CSMD1: variants seen among roughly 807,000 people sequenced by gnomAD.
The protein encoded by CSMD1 is CUB and Sushi multiple domains 1.
A neutral mutation model predicts 417.5 loss-of-function variants in CSMD1; 213 were observed. That is an observed-to-expected ratio of 0.51 (90% CI 0.46 to 0.57). The LOEUF is 0.57. Ranked by LOEUF, CSMD1 falls within the 20% of genes least tolerant of loss-of-function variation. The pLI, the probability that CSMD1 is intolerant of heterozygous loss-of-function variation, is 0.00. For synonymous variants in CSMD1, 2,862 were observed against 1,736.8 expected, an observed-to-expected ratio of 1.65 and a Z score of -16.11; for missense variants, 6,923 against 4,529.7, an observed-to-expected ratio of 1.53 and a Z score of -15.17.
In CSMD1 at chr8:3,368,816, A is replaced by C. The variant is rs367955011; in HGVS notation, c.2899+438T>G. Among the ~76,000 whole-genome samples the C allele has an allele frequency of 6.3e-4, 96 of 152,354 alleles. No individual in the cohort carries two copies. The South Asian group carries it at 0.011, about 18-fold the overall frequency. On this transcript the variant is annotated intron_variant, in intron 19 of 69. Coordinates refer to ENST00000635120, the MANE Select transcript of CSMD1 (RefSeq NM_033225.6). ...CTATTCTATGAGCCATCTCTGGATT[A>C]TGTGAAGATAAATTATTCATTATGT... is the stretch of plus-strand genomic sequence containing the variant.
At chr8:3,832,171 A>G (rs559147606) in intron 5 of CSMD1, among the ~76,000 whole-genome samples, 177 of 152,284 alleles carry the variant, frequency 1.2e-3, no homozygotes, top group South Asian at 6.0e-3. Flanking sequence ...TAAGAAAGGC[A>G]AACAGCCGTG....
At chr8:3,494,207 T>C (rs1232402276) in intron 10 of CSMD1, among the ~76,000 whole-genome samples, 1 of 152,216 alleles carries the variant, frequency 6.6e-6, no homozygotes, top group African/African-American at 2.4e-5. Context: ...AGCTCTCCTC[T>C]ATATTTAGTC....
At chr8:4,029,485 C>T (rs989273734) in intron 4 of CSMD1, among the ~76,000 whole-genome samples, 1 of 152,094 alleles carries the variant, frequency 6.6e-6, no homozygotes, top group South Asian at 2.1e-4. Context: ...ATTTTTAAAA[C>T]CATCAGATCT....
At chr8:3,290,162 C>G (rs920572356) in intron 25 of CSMD1, among the ~76,000 whole-genome samples, 1 of 146,800 alleles carries the variant, frequency 6.8e-6, no homozygotes, top group African/African-American at 2.7e-5. Context: ...TTTCTGAGGG[C>G]TCTGTTCTGT....
intron 1 of CSMD1, among the ~76,000 whole-genome samples, chr8:4,865,744 G>A (rs1454126725): frequency 1.3e-5 from 2 of 151,814 alleles, no homozygotes; most frequent in African/African-American, 2.4e-5. Flanking sequence ...TAATATAAGA[G>A]AGAAAAGCTC....
chr8:4,111,832 G>A (rs1801873426), intron 3 of CSMD1, among the ~76,000 whole-genome samples: 1 of 152,124 alleles, frequency 6.6e-6, no homozygotes, highest in Admixed American at 6.5e-5. Context: ...TTGAATCCTA[G>A]GTGATGGGTT....
intron 1 of CSMD1, among the ~76,000 whole-genome samples, chr8:4,637,912 C>T (rs1802938629): frequency 6.6e-6 from 1 of 151,916 alleles, no homozygotes; most frequent in South Asian, 2.1e-4. Context: ...CCTCATGATC[C>T]ACCCGCCCCG....
At chr8:4,123,583 T>G (rs1802603388) in intron 3 of CSMD1, among the ~76,000 whole-genome samples, 1 of 152,228 alleles carries the variant, frequency 6.6e-6, no homozygotes, top group African/African-American at 2.4e-5. Flanking sequence ...CAACGTTAAT[T>G]TCTATGGTTT....
intron 5 of CSMD1, among the ~76,000 whole-genome samples, chr8:3,940,420 T>G (rs1470590091): frequency 6.6e-6 from 1 of 152,064 alleles, no homozygotes; most frequent in Non-Finnish European, 1.5e-5. Context: ...GTTTATAATA[T>G]GTATGTTGTA....
At chr8:3,933,456 T>G (rs2129675605) in intron 5 of CSMD1, among the ~76,000 whole-genome samples, 1 of 152,124 alleles carries the variant, frequency 6.6e-6, no homozygotes, top group Admixed American at 6.5e-5. Flanking sequence ...CCCGCCTACA[T>G]CTTCACTCCC....
At chr8:4,392,536 A>G (rs1310066544) in intron 3 of CSMD1, among the ~76,000 whole-genome samples, 1 of 152,124 alleles carries the variant, frequency 6.6e-6, no homozygotes, top group Non-Finnish European at 1.5e-5. Context: ...TGGGAGTGTC[A>G]TTGGTCACTA....
At chr8:4,951,604 G>C (rs747079750) in intron 1 of CSMD1, among the ~76,000 whole-genome samples, 1 of 151,310 alleles carries the variant, frequency 6.6e-6, no homozygotes, top group Non-Finnish European at 1.5e-5. Flanking sequence ...AAAAACCTGC[G>C]GGGTTTTTTT....
intron 3 of CSMD1, among the ~76,000 whole-genome samples, chr8:4,059,917 G>C (rs1032760571): frequency 1.3e-5 from 2 of 151,846 alleles, no homozygotes; most frequent in African/African-American, 4.8e-5. Context: ...AATAGAAAAA[G>C]AGGGAATCCT....
At chr8:3,555,765 TTAGA>T (rs1472313280) in intron 10 of CSMD1, among the ~76,000 whole-genome samples, 2 of 152,170 alleles carry the variant, frequency 1.3e-5, no homozygotes, top group African/African-American at 4.8e-5. Context: ...ATCTCTAATT[TTAGA>T]TAGTTAGATA....
intron 1 of CSMD1, among the ~76,000 whole-genome samples, chr8:4,656,882 A>G (rs1334783724): frequency 6.6e-6 from 1 of 152,080 alleles, no homozygotes; most frequent in Non-Finnish European, 1.5e-5. Context: ...GGGGCCCCCA[A>G]CATCTTATCT....
At chr8:4,640,973 G>A (rs193265686) in intron 1 of CSMD1, among the ~76,000 whole-genome samples, 1 of 150,388 alleles carries the variant, frequency 6.6e-6, no homozygotes, top group East Asian at 2.0e-4. Flanking sequence ...TAAAAAAGAA[G>A]TATATATATA....
chr8:3,876,064 T>C (rs1805793557), intron 5 of CSMD1, among the ~76,000 whole-genome samples: 1 of 152,244 alleles, frequency 6.6e-6, no homozygotes, highest in African/African-American at 2.4e-5. Context: ...TTACCTATTT[T>C]GAAATATACT....
At chr8:4,452,914 T>A (rs1191777778) in intron 2 of CSMD1, among the ~76,000 whole-genome samples, 3 of 152,182 alleles carry the variant, frequency 2.0e-5, no homozygotes, top group African/African-American at 7.2e-5. Flanking sequence ...ATGGGCACAG[T>A]GGTAACAGCC....
intron 10 of CSMD1, among the ~76,000 whole-genome samples, chr8:3,499,103 G>C (rs559188691): frequency 6.6e-6 from 1 of 152,222 alleles, no homozygotes; most frequent in African/African-American, 2.4e-5. Context: ...CTATACATCT[G>C]ACAAAACAAT....
Sources: allele counts gnomAD v4.1 joint callset (sites outside exome capture counted in the v4.1 genomes callset), GRCh38; gene constraint gnomAD v4.1.1; transcripts MANE v1.5; gene names NCBI Gene and HGNC (gene_info 2026-07-23, HGNC 2026-07-21).